KLRB1: variants seen among roughly 807,000 people sequenced by gnomAD.
KLRB1 encodes the protein killer cell lectin-like receptor subfamily B member 1.
A neutral mutation model predicts 33.5 loss-of-function variants in KLRB1; 27 were observed. The ratio of observed to expected loss-of-function variants is 0.81; its 90% CI spans 0.59 to 1.11. The LOEUF is 1.11. Among genes scored for constraint, KLRB1 ranks in the 50% most tolerant of loss-of-function variants. The probability of loss-of-function intolerance (pLI) is 0.00; values close to 1 mark genes in which losing one functional copy is unlikely to be tolerated. For missense variants in KLRB1, 241 were observed against 254.1 expected, an observed-to-expected ratio of 0.95 and a Z score of 0.35; for synonymous variants, 64 against 88.9, an observed-to-expected ratio of 0.72 and a Z score of 1.58.
Position 9,601,424 on chromosome 12 carries a change from A to G in KLRB1, c.184+77T>C, listed in dbSNP as rs140457273. Reference sequence around the variant, plus strand: ...ACCCACAGGTGTGTAGGGGCAACCCACCCCTACAGAGATGCTCTAAGATAC... The same window carrying G: ...ACCCACAGGTGTGTAGGGGCAACCCGCCCCTACAGAGATGCTCTAAGATAC... On this transcript the variant is annotated intron_variant, in intron 2 of 5. Coordinates refer to ENST00000229402, the MANE Select transcript of KLRB1 (RefSeq NM_002258.3). The G allele has an allele frequency of 1.5e-3, 1,631 of 1,070,154 alleles. 25 individuals carry two copies. The East Asian group carries it at 0.028, about 18-fold the overall frequency. 66.3% of individuals were successfully genotyped at this position (1,070,154 alleles called of 1,614,324 possible).
At chr12:9,605,335 T>C (rs1864587631) in intron 1 of KLRB1, among the ~76,000 whole-genome samples, 1 of 152,214 alleles carries the variant, frequency 6.6e-6, no homozygotes, top group South Asian at 2.1e-4. Context: ...TGATTTATTA[T>C]CCTTTGAGTA....
intron 3 of KLRB1, 108 bp downstream of exon 3, chr12:9,599,659 G>T: frequency 1.3e-6 from 1 of 794,994 alleles, no homozygotes; most frequent in Admixed American, 2.0e-5. Context: ...AAAGCAGAAT[G>T]ATAAGAATAT....
rs753059599 is a variant in KLRB1, at chr12:9,595,436, A to C, written c.531-15T>G. Reference sequence around the variant, plus strand: ...TAATTTCTAAGCTGTGGAGCAAAAGAAAAGTCTGTCTTAGCATTTATGATT... The same window carrying C: ...TAATTTCTAAGCTGTGGAGCAAAAGCAAAGTCTGTCTTAGCATTTATGATT... On this transcript the variant is annotated splice_polypyrimidine_tract_variant and intron_variant, in intron 5 of 5. Transcript: ENST00000229402. 1.9e-6 allele frequency: 3 copies of C among 1,609,822 alleles called. No individual in the cohort carries two copies. Among genetic ancestry groups the C allele is most frequent in the African/African-American group, 2.7e-5 (2 of 74,838 alleles).
chr12:9,601,755 A>G (rs1217908004), intron 1 of KLRB1, among the ~76,000 whole-genome samples, 156 bp from the exon 2 acceptor site: 1 of 152,198 alleles, frequency 6.6e-6, no homozygotes, highest in Non-Finnish European at 1.5e-5. Context: ...AACAACCTCT[A>G]TCCATCATTC....
At chr12:9,595,591 G>A (rs1052032294) in intron 5 of KLRB1, among the ~76,000 whole-genome samples, 170 bp from the exon 6 acceptor site, 9 of 152,122 alleles carry the variant, frequency 5.9e-5, no homozygotes, top group Admixed American at 5.2e-4. Context: ...TAGAGCTAAT[G>A]TAAACCTCTG....
Position 9,599,801 on chromosome 12 carries a change from A to C in KLRB1, c.225T>G (p.Ser75Arg), listed in dbSNP as rs1353413853. 1 of 1,606,446 alleles carries C rather than the reference A, an allele frequency of 6.2e-7. No individual in the cohort carries two copies. Among genetic ancestry groups the C allele is most frequent in the Non-Finnish European group, 8.5e-7 (1 of 1,173,290 alleles). Reference protein sequence around the residue: ...LIQKSSIEKCSVDIQQSRNKT... With the variant: ...LIQKSSIEKCRVDIQQSRNKT... The stretch of plus-strand genomic sequence containing the variant: ...TATTCCTGCTCTGTTGAATGTCCAC[A>C]CTGCATTTTTCTATTGATGATTTCT... The change falls in exon 3 of 6, where the codon AGT becomes AGG. Residue 75 changes from serine to arginine, a missense_variant. Physicochemically the swap from Ser to Arg is moderately radical, Grantham distance 110. Coordinates refer to ENST00000229402, the MANE Select transcript of KLRB1 (RefSeq NM_002258.3).
intron 1 of KLRB1, chr12:9,607,527 G>C (rs372013043): frequency 2.2e-6 from 1 of 447,798 alleles, no homozygotes; most frequent in African/African-American, 2.0e-5. Flanking sequence ...AGTAAGACAA[G>C]TGATGTTTGC....
At chr12:9,596,159 G>T (rs965357393) in intron 5 of KLRB1, among the ~76,000 whole-genome samples, 1 of 152,104 alleles carries the variant, frequency 6.6e-6, no homozygotes, top group Non-Finnish European at 1.5e-5. Flanking sequence ...AACGGATGAG[G>T]TGGTGGCAGC....
chr12:9,604,033 C>A, intron 1 of KLRB1, among the ~76,000 whole-genome samples: 1 of 148,638 alleles, frequency 6.7e-6, no homozygotes, highest in African/African-American at 2.5e-5. Context: ...TTTTTTTTAA[C>A]TATAGGTAAA....
At chr12:9,604,229 A>G (rs1864575874) in intron 1 of KLRB1, among the ~76,000 whole-genome samples, 1 of 152,122 alleles carries the variant, frequency 6.6e-6, no homozygotes, top group South Asian at 2.1e-4. Flanking sequence ...CTATCTGGAA[A>G]TACCTACCTA....
chr12:9,604,910 A>G (rs1041073969), intron 1 of KLRB1, among the ~76,000 whole-genome samples: 27 of 152,058 alleles, frequency 1.8e-4, no homozygotes, highest in Non-Finnish European at 3.1e-4. Flanking sequence ...ACATATGTAT[A>G]CATGTGCCAT....
At chr12:9,605,540 G>A (rs764356118) in intron 1 of KLRB1, among the ~76,000 whole-genome samples, 1 of 152,206 alleles carries the variant, frequency 6.6e-6, no homozygotes, top group Non-Finnish European at 1.5e-5. Flanking sequence ...TTTAATGAAT[G>A]AATAAACTCT....
chr12:9,607,349 T>C (rs1378643013), intron 1 of KLRB1, among the ~76,000 whole-genome samples: 1 of 67,310 alleles, frequency 1.5e-5, no homozygotes, highest in Non-Finnish European at 3.2e-5. Flanking sequence ...TCTTTCTTTC[T>C]TTCTTCCTTT....
intron 1 of KLRB1, among the ~76,000 whole-genome samples, chr12:9,603,308 C>G (rs12818361): frequency 6.6e-6 from 1 of 151,998 alleles, no homozygotes; most frequent in African/African-American, 2.4e-5. Flanking sequence ...TATATATGTA[C>G]GTTATTTCAC....
intron 1 of KLRB1, among the ~76,000 whole-genome samples, chr12:9,602,614 A>T (rs1406784040): frequency 6.6e-6 from 1 of 151,864 alleles, no homozygotes; most frequent in East Asian, 1.9e-4. Context: ...AACATATTAG[A>T]TATATTATAA....
chr12:9,604,053 G>A (rs1223927435), intron 1 of KLRB1, among the ~76,000 whole-genome samples: 1 of 151,376 alleles, frequency 6.6e-6, no homozygotes, highest in African/African-American at 2.4e-5. Flanking sequence ...AAGGCAACTT[G>A]GTGACTTTTA....
In KLRB1 at chr12:9,607,351, T is replaced by TCTTTCTTC. The variant is rs375027897; in HGVS notation, c.85+403_85+404insGAAGAAAG. On this transcript the variant is annotated intron_variant, in intron 1 of 5. Transcript: ENST00000229402. ...TCTTTCTTTCCTTTCTTTCTTTCTT[T>TCTTTCTTC]CTTCCTTTCTTTCTTTCTTTCTTTC... Among the ~76,000 whole-genome samples, 6 of 82,078 alleles carry TCTTTCTTC rather than the reference T, an allele frequency of 7.3e-5. No individual in the cohort carries two copies. In the East Asian group the frequency reaches 1.1e-3, roughly 15 times the overall value. The allele number at this position is 82,078 out of a possible 152,430, so 53.8% of individuals were successfully genotyped here. A position where few individuals can be genotyped will look rare whatever the true frequency, so the allele number is the denominator to read the frequency against.
chr12:9,607,385 TTTCTTTCTTTCTTTCTTTCTTTTCTTTC>T (rs1864629643), intron 1 of KLRB1, among the ~76,000 whole-genome samples: 2 of 108,522 alleles, frequency 1.8e-5, no homozygotes, highest in East Asian at 6.3e-4. Context: ...TCTTTCTTTC[TTTCTTTCTTTCTTTCTTTCTTTTCTTTC>T]TTTCTTTCTT....
chr12:9,603,536 T>C (rs745674644), intron 1 of KLRB1, among the ~76,000 whole-genome samples: 29 of 152,024 alleles, frequency 1.9e-4, no homozygotes, highest in Non-Finnish European at 4.3e-4. Flanking sequence ...GCAATTCTCT[T>C]GCCTCAACCT....
Sources: allele counts gnomAD v4.1 joint callset (sites outside exome capture counted in the v4.1 genomes callset), GRCh38; gene constraint gnomAD v4.1.1; transcripts MANE v1.5; gene names NCBI Gene and HGNC (gene_info 2026-07-23, HGNC 2026-07-21).